Variants in PTPRG observed in about 807,000 individuals in gnomAD.
The protein encoded by PTPRG is receptor-type tyrosine-protein phosphatase gamma.
Under a neutral mutation model 165.3 loss-of-function variants are expected in PTPRG, and 102 were observed. That is an observed-to-expected ratio of 0.62 (90% CI 0.53 to 0.73). PTPRG has a LOEUF of 0.73. Among genes scored for constraint, PTPRG ranks in the 30% least tolerant of loss-of-function variants. The pLI is 0.00. For synonymous variants in PTPRG, 675 were observed against 669.5 expected (o/e 1.01, Z -0.13); for missense variants, 1,866 against 1,861.4 (o/e 1.00, Z -0.05).
intron 28 of PTPRG, among the ~76,000 whole-genome samples, chr3:62,289,343 TC>T (rs1702786667): frequency 6.6e-6 from 1 of 152,196 alleles, no homozygotes; most frequent in Non-Finnish European, 1.5e-5. Context: ...GAATGAGTTT[TC>T]CACCTGTTAG....
At chr3:61,705,297 T>A (rs2031189774) in intron 1 of PTPRG, among the ~76,000 whole-genome samples, 1 of 151,556 alleles carries the variant, frequency 6.6e-6, no homozygotes, top group Non-Finnish European at 1.5e-5. Context: ...GGGAGCAGAA[T>A]ACCAGTATCT....
chr3:62,064,483 G>A (rs552847683), intron 4 of PTPRG, among the ~76,000 whole-genome samples: 1 of 132,664 alleles, frequency 7.5e-6, no homozygotes, highest in Non-Finnish European at 1.7e-5. Context: ...TCCCAAATTA[G>A]TGCCTAATTT....
chr3:61,756,652 G>C (rs1575638195), intron 2 of PTPRG, among the ~76,000 whole-genome samples: 1 of 152,172 alleles, frequency 6.6e-6, no homozygotes, highest in South Asian at 2.1e-4. Context: ...TGATTGTAAA[G>C]TTAATGGATG....
rs539755972 is a variant in PTPRG at position 62,054,674 on chromosome 3, A to G, written c.520-23489A>G. Reference sequence around the variant, plus strand: ...TTGGGACATTTGAATTCTTCCAGGTATTTGGAAATGGAAGCAGAAATGGAA... The same window carrying G: ...TTGGGACATTTGAATTCTTCCAGGTGTTTGGAAATGGAAGCAGAAATGGAA... On this transcript the variant is annotated intron_variant, in intron 4 of 29. Coordinates refer to ENST00000474889, the MANE Select transcript of PTPRG (RefSeq NM_002841.4). 2.5e-4 allele frequency among the ~76,000 whole-genome samples: 38 copies of G among 152,296 alleles called. No homozygotes were observed. In the South Asian group the frequency reaches 3.1e-3, roughly 12 times the overall value.
intron 1 of PTPRG, among the ~76,000 whole-genome samples, chr3:61,718,002 A>C (rs1224917572): frequency 1.3e-5 from 2 of 151,576 alleles, no homozygotes; most frequent in Non-Finnish European, 2.9e-5. Flanking sequence ...CAACATGGTG[A>C]AACCCTGTCT....
chr3:61,977,218 CTT>C (rs11302624), intron 2 of PTPRG, among the ~76,000 whole-genome samples: 5 of 148,838 alleles, frequency 3.4e-5, no homozygotes, highest in Admixed American at 1.3e-4. Context: ...CAAGAACAAA[CTT>C]TTACCTCACC....
chr3:62,238,920 G>A (rs1701092662), intron 14 of PTPRG, among the ~76,000 whole-genome samples: 1 of 152,110 alleles, frequency 6.6e-6, no homozygotes, highest in Non-Finnish European at 1.5e-5. Flanking sequence ...ACTAATTTGG[G>A]TCATTACTAG....
At chr3:61,759,491 C>CA (rs1384431236) in intron 2 of PTPRG, among the ~76,000 whole-genome samples, 1 of 151,712 alleles carries the variant, frequency 6.6e-6, no homozygotes, top group African/African-American at 2.4e-5. Context: ...CCTGTCTCTA[C>CA]AAAAAAATTA....
chr3:62,199,981 A>G (rs1050012600), intron 10 of PTPRG, among the ~76,000 whole-genome samples: 31 of 152,232 alleles, frequency 2.0e-4, no homozygotes, highest in African/African-American at 6.8e-4. Flanking sequence ...ACGTTATGCT[A>G]AGTAAAATAA....
chr3:61,590,766 C>T (rs9311821), intron 1 of PTPRG, among the ~76,000 whole-genome samples: 17,535 of 151,928 alleles, frequency 0.12, 1,161 homozygotes, highest in African/African-American at 0.18. Flanking sequence ...TGATTGTTGA[C>T]CCCTAATACA....
chr3:61,869,792 G>A (rs2037512874), intron 2 of PTPRG, among the ~76,000 whole-genome samples: 1 of 152,074 alleles, frequency 6.6e-6, no homozygotes, highest in Middle Eastern at 3.4e-3. Flanking sequence ...GCAGAGATGA[G>A]GTTTTCCCAT....
intron 8 of PTPRG, among the ~76,000 whole-genome samples, chr3:62,172,810 T>TG (rs1379724866): frequency 6.6e-6 from 1 of 152,244 alleles, no homozygotes; most frequent in Non-Finnish European, 1.5e-5. Context: ...CCTGCCTGAT[T>TG]GGTATTCTCT....
At chr3:62,130,686 C>T (rs1040503803) in intron 5 of PTPRG, among the ~76,000 whole-genome samples, 2 of 152,178 alleles carry the variant, frequency 1.3e-5, no homozygotes, top group African/African-American at 4.8e-5. Context: ...AGGTTCTCTT[C>T]TCTTGCATTC....
At chr3:62,039,020 C>T (rs1700040330) in intron 4 of PTPRG, among the ~76,000 whole-genome samples, 1 of 152,114 alleles carries the variant, frequency 6.6e-6, no homozygotes, top group South Asian at 2.1e-4. Context: ...CTGCAACTTC[C>T]GCCTCCCAGG....
chr3:61,905,881 G>T (rs1324826790), intron 2 of PTPRG, among the ~76,000 whole-genome samples: 1 of 152,158 alleles, frequency 6.6e-6, no homozygotes, highest in African/African-American at 2.4e-5. Context: ...AGACCATTCA[G>T]TATTTCATCA....
At position 62,078,199 on chromosome 3, in the gene PTPRG, A is replaced by G; in HGVS notation, c.556A>G (p.Ser186Gly). The G allele has an allele frequency of 1.2e-6, 2 of 1,609,836 alleles. No individual in the cohort carries two copies. The highest frequency in any genetic ancestry group is 1.3e-5 in the African/African-American group (1 of 74,828). ...CTTTTACAATCCAGATGACTTTGAC[A>G]GCTTTCAAACCGCAATTTCTGAGAA... ...IFFYNPDDFD[S>G]FQTAISENRI... The change falls in exon 5 of 30, where the codon AGC becomes GGC. Residue 186 changes from serine (S) to glycine (G), a missense_variant. Physicochemically the swap from Ser to Gly is moderately conservative, Grantham distance 56. This residue lies in a region of PTPRG where 408 missense variants were observed against 376.2 expected (regional missense o/e 1.08). Coordinates refer to ENST00000474889, the MANE Select transcript of PTPRG (RefSeq NM_002841.4).
In PTPRG at chr3:62,273,931, ATGTATACACC is replaced by A; in HGVS notation, c.3465+88_3465+97del. On this transcript the variant is annotated intron_variant, in intron 23 of 29. Transcript: ENST00000474889. This position sits in a 1 kb window ranked among gnomAD's most constrained non-coding sequence, Gnocchi z 4.1. ...TGGGGGTTATGTCTTCTTTGCATTA[ATGTATACACC>A]GAAATGGATTACTATTTGTACTCCT... 2 of 1,295,720 alleles carry A rather than the reference ATGTATACACC, an allele frequency of 1.5e-6. No individual in the cohort carries two copies. Among genetic ancestry groups the A allele is most frequent in the South Asian group, 1.3e-5 (1 of 75,592 alleles). 80.3% of individuals were successfully genotyped at this position (1,295,720 alleles called of 1,614,324 possible). A position where few individuals can be genotyped will look rare whatever the true frequency, so the allele number is the denominator to read the frequency against.
chr3:61,958,223 T>C (rs940488930), intron 2 of PTPRG, among the ~76,000 whole-genome samples: 3 of 151,936 alleles, frequency 2.0e-5, no homozygotes, highest in African/African-American at 7.3e-5. Flanking sequence ...GCCTCCCGAG[T>C]TCAAACGTTT....
At chr3:61,648,465 A>C (rs1215784282) in intron 1 of PTPRG, among the ~76,000 whole-genome samples, 1 of 152,248 alleles carries the variant, frequency 6.6e-6, no homozygotes, top group African/African-American at 2.4e-5. Context: ...GGGGAAATGA[A>C]AACTGGGCAG....
Sources: allele counts gnomAD v4.1 joint callset (sites outside exome capture counted in the v4.1 genomes callset), GRCh38; gene constraint gnomAD v4.1.1; regional missense constraint gnomAD v4.1.1; non-coding constraint Gnocchi (gnomAD v3.1); transcripts MANE v1.5; gene names NCBI Gene and HGNC (gene_info 2026-07-23, HGNC 2026-07-21).